Variants in ONECUT2 observed in about 807,000 individuals in gnomAD.
ONECUT2 encodes one cut homeobox 2.
In ONECUT2, 10 loss-of-function variants were observed where a neutral mutation model predicts 27.9. The ratio of observed to expected loss-of-function variants is 0.36; its 90% confidence interval spans 0.22 to 0.61. ONECUT2 has a LOEUF of 0.61. Ranked by LOEUF, ONECUT2 falls within the 20% of genes least tolerant of loss-of-function variation. The pLI is 0.73. For missense variants in ONECUT2, 686 were observed against 721.0 expected (o/e 0.95, Z 0.56); for synonymous variants, 334 against 315.1 (o/e 1.06, Z -0.64).
intron 1 of ONECUT2, among the ~76,000 whole-genome samples, chr18:57,438,264 C>G (rs888148033): frequency 4.6e-5 from 7 of 152,264 alleles, no homozygotes; most frequent in Non-Finnish European, 1.0e-4. Context: ...GAAGGACACA[C>G]TATACCCTAT....
intron 1 of ONECUT2, among the ~76,000 whole-genome samples, chr18:57,458,125 A>G (rs2050270348): frequency 6.6e-6 from 1 of 151,956 alleles, no homozygotes. Context: ...GTATAATAAT[A>G]AAAAAAAGTT....
At chr18:57,438,336 C>G (rs527646493) in intron 1 of ONECUT2, among the ~76,000 whole-genome samples, 1 of 152,182 alleles carries the variant, frequency 6.6e-6, no homozygotes, top group South Asian at 2.1e-4. Context: ...TCAGGATCGG[C>G]GGGCGGTCTA....
intron 1 of ONECUT2, among the ~76,000 whole-genome samples, chr18:57,464,482 T>C (rs532936987): frequency 1.1e-4 from 16 of 152,300 alleles, no homozygotes; most frequent in African/African-American, 2.9e-4. Flanking sequence ...TTTTGTTTTT[T>C]TATATAGGCA....
chr18:57,449,769 G>T (rs1262624965), intron 1 of ONECUT2, among the ~76,000 whole-genome samples: 1 of 152,160 alleles, frequency 6.6e-6, no homozygotes, highest in Non-Finnish European at 1.5e-5. Context: ...TATCTCATCA[G>T]TCCTTCTCCA....
In ONECUT2 at chr18:57,436,190, A is replaced by G; in HGVS notation, c.474A>G (p.Pro158=). The G allele has an allele frequency of 6.2e-7, 1 of 1,607,252 alleles. No homozygotes were observed. The highest frequency in any genetic ancestry group is 2.2e-5 in the East Asian group (1 of 44,698). ...YTTLTPLQPL[P]PISTVSDKFH... is the part of the protein sequence containing the mutation. ...CGCTGACACCGCTCCAGCCGCTGCC[A>G]CCCATCTCCACCGTGTCTGACAAGT... Residue 158 remains proline (P), a synonymous_variant, in exon 1 of 2, where the codon CCA becomes CCG. Coordinates refer to ENST00000491143, the MANE Select transcript of ONECUT2 (RefSeq NM_004852.3). The surrounding 1 kb of genome is among the most constrained non-coding windows in gnomAD (Gnocchi z 5.9).
intron 1 of ONECUT2, among the ~76,000 whole-genome samples, chr18:57,454,730 G>T (rs764953090): frequency 6.6e-6 from 1 of 152,114 alleles, no homozygotes; most frequent in African/African-American, 2.4e-5. Flanking sequence ...TCATCACTGG[G>T]CATGCTGTTT....
In ONECUT2 at chr18:57,481,009, C is replaced by T. The variant is rs1487108343; in HGVS notation, c.*4286C>T. 1.3e-5 allele frequency: 2 copies of T among 152,138 alleles called. No homozygotes were observed. The highest frequency in any genetic ancestry group is 1.9e-4 in the East Asian group (1 of 5,202). The allele number at this position is 152,138 out of a possible 1,614,324, so 9.4% of individuals were successfully genotyped here. A position where few individuals can be genotyped will look rare whatever the true frequency, so the allele number is the denominator to read the frequency against. Reference sequence around the variant, plus strand: ...ATTCTTGAGGCAACAGAAATCAAAACACTCAGAGCCATTGAGTGGAAAAAC... The same window carrying T: ...ATTCTTGAGGCAACAGAAATCAAAATACTCAGAGCCATTGAGTGGAAAAAC... On this transcript the variant is annotated 3_prime_UTR_variant, in exon 2 of 2. Transcript: ENST00000491143.
intron 1 of ONECUT2, among the ~76,000 whole-genome samples, chr18:57,468,028 A>G (rs958362243): frequency 1.3e-5 from 2 of 152,186 alleles, no homozygotes; most frequent in African/African-American, 4.8e-5. Context: ...ACGCTGGAGT[A>G]CCTTGTGCAG....
intron 1 of ONECUT2, among the ~76,000 whole-genome samples, chr18:57,469,668 G>A (rs531491591): frequency 3.3e-5 from 5 of 152,290 alleles, no homozygotes; most frequent in Non-Finnish European, 7.3e-5. Context: ...TTTGCCATTA[G>A]CCCTCTGGGC....
chr18:57,473,286 T>A (rs150998175), intron 1 of ONECUT2, among the ~76,000 whole-genome samples: 161 of 152,326 alleles, frequency 1.1e-3, no homozygotes, highest in African/African-American at 3.6e-3. Flanking sequence ...GGATGCGGTG[T>A]CAGTGTCATC....
chr18:57,436,735 A>C lies in ONECUT2; in HGVS notation c.1019A>C (p.Gln340Pro), dbSNP rs2050145229. 1 of 1,613,940 alleles carries C rather than the reference A, an allele frequency of 6.2e-7. No individual in the cohort carries two copies. Among genetic ancestry groups the C allele is most frequent in the Admixed American group, 1.7e-5 (1 of 60,034 alleles). ...GAAATCAACACCAAAGAGGTGGCCC[A>C]GCGCATCACAGCGGAGCTGAAGCGC... is the stretch of plus-strand genomic sequence containing the variant. Reference protein sequence around the residue: ...LEEINTKEVAQRITAELKRYS... With the variant: ...LEEINTKEVAPRITAELKRYS... The change falls in exon 1 of 2, where the codon CAG becomes CCG. Residue 340 changes from glutamine (Q) to proline (P), a missense_variant. Coordinates refer to ENST00000491143, the MANE Select transcript of ONECUT2 (RefSeq NM_004852.3). The surrounding 1 kb of genome is among the most constrained non-coding windows in gnomAD (Gnocchi z 5.9).
rs1479384415 is a variant in ONECUT2, at chr18:57,490,934, G to A, written c.*14211G>A. ...ACACTATTACCGTCTTTCACCCTGC[G>A]CTATATTTCCAAAGTGTATTATAAT... On this transcript the variant is annotated 3_prime_UTR_variant, in exon 2 of 2. Transcript: ENST00000491143. 2.0e-5 allele frequency: 3 copies of A among 152,538 alleles called. No individual in the cohort carries two copies. Among genetic ancestry groups the A allele is most frequent in the Non-Finnish European group, 2.9e-5 (2 of 68,036 alleles). 9.4% of individuals were successfully genotyped at this position (152,538 alleles called of 1,614,324 possible).
Position 57,436,316 on chromosome 18 carries a change from C to T in ONECUT2, c.600C>T (p.Asp200=). 1 of 1,604,056 alleles carries T rather than the reference C, an allele frequency of 6.2e-7. No homozygotes were observed. The part of the protein sequence containing the change: ...NVSGSFTLMR[D]ERGLPAMNNL... ...GCGGCAGCTTCACCCTCATGCGCGA[C>T]GAGCGCGGGCTCCCGGCCATGAACA... The change falls in exon 1 of 2, where the codon GAC becomes GAT. Residue 200 remains aspartate (D), a synonymous_variant. Coordinates refer to ENST00000491143, the MANE Select transcript of ONECUT2 (RefSeq NM_004852.3). This position sits in a 1 kb window ranked among gnomAD's most constrained non-coding sequence, Gnocchi z 5.9.
rs934631535 is a variant in ONECUT2 at position 57,465,391 on chromosome 18, T to G, written c.1229-11046T>G. Among the ~76,000 whole-genome samples, 4 of 152,352 alleles carry G rather than the reference T, an allele frequency of 2.6e-5. No individual in the cohort carries two copies. In the East Asian group the frequency reaches 7.7e-4, roughly 29 times the overall value. Reference sequence around the variant, plus strand: ...GTTGCCCAGGCTGGTCGCAAATTCCTGGGCTTAAGCAATCCGCCCGCCTTG... The same window carrying G: ...GTTGCCCAGGCTGGTCGCAAATTCCGGGGCTTAAGCAATCCGCCCGCCTTG... On this transcript the variant is annotated intron_variant, in intron 1 of 1. Transcript: ENST00000491143.
In ONECUT2 at chr18:57,478,812, G is replaced by C; in HGVS notation, c.*2089G>C. On this transcript the variant is annotated 3_prime_UTR_variant, in exon 2 of 2. Transcript: ENST00000491143. Reference sequence around the variant, plus strand: ...TTCAGTTCATTATCTCCTCTTGCCTGGCTAAAATACTAATAGCGCCATTGA... The same window carrying C: ...TTCAGTTCATTATCTCCTCTTGCCTCGCTAAAATACTAATAGCGCCATTGA... 1 of 152,450 alleles carries C rather than the reference G, an allele frequency of 6.6e-6. No homozygotes were observed. Among genetic ancestry groups the C allele is most frequent in the Admixed American group, 6.5e-5 (1 of 15,278 alleles). The allele number at this position is 152,450 out of a possible 1,614,324, so 9.4% of individuals were successfully genotyped here.
intron 1 of ONECUT2, among the ~76,000 whole-genome samples, chr18:57,437,346 C>A (rs2050148579): frequency 1.3e-5 from 2 of 152,224 alleles, no homozygotes; most frequent in South Asian, 4.1e-4. Flanking sequence ...TGCCCTTATT[C>A]AAAACCCCAT....
chr18:57,436,211 C>G lies in ONECUT2; in HGVS notation c.495C>G (p.Asp165Glu). 6.2e-7 allele frequency: 1 copy of G among 1,605,972 alleles called. No individual in the cohort carries two copies. Among genetic ancestry groups the G allele is most frequent in the Non-Finnish European group, 8.5e-7 (1 of 1,178,336 alleles). The change falls in exon 1 of 2, where the codon GAC (aspartate) becomes GAG (glutamate). Residue 165 changes from aspartate to glutamate, a missense_variant. Physicochemically the swap from Asp to Glu is conservative, Grantham distance 45 (BLOSUM62 2). Coordinates refer to ENST00000491143, the MANE Select transcript of ONECUT2 (RefSeq NM_004852.3). The surrounding 1 kb of genome is among the most constrained non-coding windows in gnomAD (Gnocchi z 5.9). ...QPLPPISTVS[D>E]KFHHPHPHHH... ...TGCCACCCATCTCCACCGTGTCTGA[C>G]AAGTTCCACCACCCTCACCCGCACC...
intron 1 of ONECUT2, among the ~76,000 whole-genome samples, chr18:57,455,484 A>T (rs1390509858): frequency 1.3e-5 from 2 of 152,188 alleles, no homozygotes; most frequent in Non-Finnish European, 2.9e-5. Flanking sequence ...TAGTGTTTTC[A>T]TGAAAAATTA....
intron 1 of ONECUT2, among the ~76,000 whole-genome samples, chr18:57,453,280 T>C (rs2050241087): frequency 6.6e-6 from 1 of 152,258 alleles, no homozygotes; most frequent in South Asian, 2.1e-4. Context: ...CAAGACCCAA[T>C]TTTTAAGACA....
Sources: allele counts gnomAD v4.1 joint callset (sites outside exome capture counted in the v4.1 genomes callset), GRCh38; gene constraint gnomAD v4.1.1; non-coding constraint Gnocchi (gnomAD v3.1); transcripts MANE v1.5; gene names NCBI Gene and HGNC (gene_info 2026-07-23, HGNC 2026-07-21).